The following PLA2G4F variants were observed in gnomAD, a reference collection of about 807,000 sequenced individuals.
The protein encoded by PLA2G4F is phospholipase A2 group IVF, also known as cytosolic phospholipase A2 zeta.
In PLA2G4F, 105 loss-of-function variants were observed where a neutral mutation model predicts 103.1. That is an observed-to-expected ratio of 1.02 (90% CI 0.87 to 1.20). The LOEUF (loss-of-function observed/expected upper bound fraction) is 1.20, where lower values mean the gene tolerates loss of function less well. PLA2G4F is among the 50% of genes most tolerant of loss of function. The pLI is 0.00. For synonymous variants in PLA2G4F, 468 were observed against 441.1 expected, an observed-to-expected ratio of 1.06 and a Z score of -0.76; for missense variants, 1,155 against 1,075.9, an observed-to-expected ratio of 1.07 and a Z score of -1.03.
chr15:42,144,135 G>C lies in PLA2G4F; in HGVS notation c.1985C>G (p.Pro662Arg). 6.2e-7 allele frequency: 1 copy of C among 1,608,948 alleles called. No individual in the cohort carries two copies. Among genetic ancestry groups the C allele is most frequent in the Non-Finnish European group, 8.5e-7 (1 of 1,177,936 alleles). Residue 662 changes from proline (P) to arginine (R), a missense_variant, in exon 18 of 20, where the codon CCG (proline) becomes CGG (arginine). By Grantham distance (103) the Pro-to-Arg change is moderately radical. Coordinates refer to ENST00000397272, the MANE Select transcript of PLA2G4F (RefSeq NM_213600.4). ...GGTGAGCTGGTTGGGGAAGGCGTCC[G>C]GGTGTGTGTCTGCAAGGAACCCATG... Reference protein sequence around the residue: ...REFVAWKDTHPDAFPNQLTPM... With the variant: ...REFVAWKDTHRDAFPNQLTPM...
rs145212493 is a variant in PLA2G4F at position 42,143,072 on chromosome 15, G to A, written c.2143-358C>T. Among the ~76,000 whole-genome samples the A allele has an allele frequency of 2.8e-3, 419 of 151,116 alleles. 2 individuals carry two copies. The highest frequency in any genetic ancestry group is 9.5e-3 in the African/African-American group (389 of 41,054). The stretch of plus-strand genomic sequence containing the variant: ...TGTGTGCCTATAGTCCCAGCTACTC[G>A]GGAGGCTGAGGCAGGAGAATCATTT... On this transcript the variant is annotated intron_variant, in intron 18 of 19. Transcript: ENST00000397272.
intron 7 of PLA2G4F, 26 bp from the exon 8 acceptor site, chr15:42,150,803 G>A: frequency 6.3e-7 from 1 of 1,595,618 alleles, no homozygotes; most frequent in Non-Finnish European, 8.5e-7. Flanking sequence ...CCAGGTGGGT[G>A]CGCAGGTGAG....
At position 42,146,811 on chromosome 15, in the gene PLA2G4F, CT is replaced by C. The variant is rs1433440163; in HGVS notation, c.1419+312del. The C allele has an allele frequency of 1.1e-4, 32 of 294,992 alleles. No homozygotes were observed. The East Asian group carries it at 2.2e-3, about 20-fold the overall frequency. 18.3% of individuals were successfully genotyped at this position (294,992 alleles called of 1,614,324 possible). On this transcript the variant is annotated intron_variant, in intron 13 of 19. Transcript: ENST00000397272. ...GGGCTGAAATCACTTTCAAAACATC[CT>C]GAGAACAACTAAAATCACTCTCTCT...
chr15:42,152,718 C>G lies in PLA2G4F; in HGVS notation c.571G>C (p.Gly191Arg). 6.4e-7 allele frequency: 1 copy of G among 1,558,022 alleles called. No homozygotes were observed. Among genetic ancestry groups the G allele is most frequent in the East Asian group, 2.4e-5 (1 of 41,568 alleles). ...TCTTCCCGTGGGGCTGTCCCATCTCCCCGGAGCGTGCCCTGGATTCTCAGA... is the reference window on the plus strand; with the variant it reads ...TCTTCCCGTGGGGCTGTCCCATCTCGCCGGAGCGTGCCCTGGATTCTCAGA... ...PCLRIQGTLR[G>R]DGTAPREEYG... Residue 191 changes from glycine (G) to arginine (R), a missense_variant, in exon 7 of 20, where the codon GGA (glycine) becomes CGA (arginine). Physicochemically the swap from Gly to Arg is moderately radical, Grantham distance 125. Around this residue, in one of 3 missense-constraint regions of PLA2G4F, gnomAD observed 370 missense variants for 364.9 expected, o/e 1.01. Transcript: ENST00000397272.
Position 42,141,079 on chromosome 15 carries a change from C to A in PLA2G4F, c.*905G>T. 1 of 364,126 alleles carries A rather than the reference C, an allele frequency of 2.7e-6. No individual in the cohort carries two copies. Among genetic ancestry groups the A allele is most frequent in the South Asian group, 2.0e-5 (1 of 49,772 alleles). 22.6% of individuals were successfully genotyped at this position (364,126 alleles called of 1,614,324 possible). On this transcript the variant is annotated 3_prime_UTR_variant, in exon 20 of 20. Transcript: ENST00000397272. Reference sequence around the variant, plus strand: ...AAGAGGCAAGAGCCCAGGCGAGGCTCCCTCTGCACTGCCCATGCCTTGGAG... The same window carrying A: ...AAGAGGCAAGAGCCCAGGCGAGGCTACCTCTGCACTGCCCATGCCTTGGAG...
chr15:42,147,415 CTG>C, intron 12 of PLA2G4F, 69 bp from the exon 13 acceptor site: 5 of 1,481,498 alleles, frequency 3.4e-6, no homozygotes, highest in Non-Finnish European at 4.6e-6. Context: ...GGTGCAGAGT[CTG>C]TGAGTGGCCC....
intron 13 of PLA2G4F, chr15:42,146,916 GA>G (rs1007120266): frequency 3.5e-6 from 2 of 578,938 alleles, no homozygotes; most frequent in African/African-American, 3.7e-5. Context: ...GAGCGCTGCG[GA>G]CCAGGCTCCT....
intron 17 of PLA2G4F, 29 bp from the exon 18 acceptor site, chr15:42,144,173 G>A: frequency 6.4e-7 from 1 of 1,574,784 alleles, no homozygotes; most frequent in Non-Finnish European, 8.6e-7. Context: ...TACGCACAGG[G>A]ACGAATGCAG....
At chr15:42,152,817 G>C in intron 6 of PLA2G4F, 63 bp from the exon 7 acceptor site, 1 of 1,482,190 alleles carries the variant, frequency 6.7e-7, no homozygotes, top group Non-Finnish European at 9.2e-7. Context: ...ATGGAGAGAG[G>C]GAGGAGTGCC....
chr15:42,155,734 G>T, intron 1 of PLA2G4F, 145 bp from the exon 2 acceptor site: 1 of 754,060 alleles, frequency 1.3e-6, no homozygotes, highest in East Asian at 2.8e-5. Context: ...ACCTTGGCGG[G>T]TCCCAGGCAT....
rs882691 is a variant in PLA2G4F, at chr15:42,140,157, A to G, written c.*1827T>C. 0.23 allele frequency: 34,872 copies of G among 152,138 alleles called. 4,413 individuals carry two copies. Among genetic ancestry groups the G allele is most frequent in the African/African-American group, 0.33 (13,718 of 41,456 alleles). 9.4% of individuals were successfully genotyped at this position (152,138 alleles called of 1,614,324 possible). ...TTTTGTGGTTGGTGGGTGACGATCC[A>G]TTTCTTAGAATGTAGGTTCCCATTC... On this transcript the variant is annotated 3_prime_UTR_variant, in exon 20 of 20. Transcript: ENST00000397272.
rs1341734753 is a variant in PLA2G4F, at chr15:42,140,353, G to A, written c.*1631C>T. On this transcript the variant is annotated 3_prime_UTR_variant, in exon 20 of 20. Coordinates refer to ENST00000397272, the MANE Select transcript of PLA2G4F (RefSeq NM_213600.4). Reference sequence around the variant, plus strand: ...ACAGATTCTAAGTTGTGAACGCTGTGCAGTTCTGAGCTGTGAACCCTATGA... The same window carrying A: ...ACAGATTCTAAGTTGTGAACGCTGTACAGTTCTGAGCTGTGAACCCTATGA... 6.6e-6 allele frequency: 1 copy of A among 152,248 alleles called. No homozygotes were observed. The highest frequency in any genetic ancestry group is 1.5e-5 in the Non-Finnish European group (1 of 68,064). 9.4% of individuals were successfully genotyped at this position (152,248 alleles called of 1,614,324 possible).
At position 42,141,523 on chromosome 15, in the gene PLA2G4F, G is replaced by A. The variant is rs2048826572; in HGVS notation, c.*461C>T. The A allele has an allele frequency of 4.5e-6, 2 of 448,562 alleles. No individual in the cohort carries two copies. The highest frequency in any genetic ancestry group is 4.0e-5 in the African/African-American group (2 of 49,738). 27.8% of individuals were successfully genotyped at this position (448,562 alleles called of 1,614,324 possible). A position where few individuals can be genotyped will look rare whatever the true frequency, so the allele number is the denominator to read the frequency against. ...CATCCAGGAGCTCGAGGTGGGGTTGGGGCTTGGGCCGCTCTGCAGGAAGTG... is the reference window on the plus strand; with the variant it reads ...CATCCAGGAGCTCGAGGTGGGGTTGAGGCTTGGGCCGCTCTGCAGGAAGTG... On this transcript the variant is annotated 3_prime_UTR_variant, in exon 20 of 20. Transcript: ENST00000397272.
intron 13 of PLA2G4F, chr15:42,146,766 T>TG (rs1165082319): frequency 4.0e-6 from 1 of 251,418 alleles, no homozygotes; most frequent in Non-Finnish European, 7.8e-6. Context: ...GGTGTGGCGC[T>TG]GGGCCTCACT....
At chr15:42,145,529 G>A in intron 16 of PLA2G4F, 46 bp downstream of exon 16, 2 of 1,557,064 alleles carry the variant, frequency 1.3e-6, no homozygotes, top group Non-Finnish European at 1.8e-6. Context: ...CCAGGGCCCT[G>A]TTGCTGGAAT....
chr15:42,142,401 A>C, intron 19 of PLA2G4F, 127 bp downstream of exon 19: 1 of 1,257,440 alleles, frequency 8.0e-7, no homozygotes, highest in East Asian at 2.5e-5. Flanking sequence ...AGAGGGCCAC[A>C]GGGGCCAGCT....
Position 42,141,812 on chromosome 15 carries a change from A to T in PLA2G4F, c.*172T>A. On this transcript the variant is annotated 3_prime_UTR_variant, in exon 20 of 20. Coordinates refer to ENST00000397272, the MANE Select transcript of PLA2G4F (RefSeq NM_213600.4). ...AAACACACAAGGAGAGCCCTGCCCC[A>T]GTCCAAGCTGCAATTCTGCAAGAGC... is the stretch of plus-strand genomic sequence containing the variant. The T allele has an allele frequency of 1.5e-6, 1 of 660,006 alleles. No individual in the cohort carries two copies. Among genetic ancestry groups the T allele is most frequent in the East Asian group, 2.7e-5 (1 of 36,636 alleles). 40.9% of individuals were successfully genotyped at this position (660,006 alleles called of 1,614,324 possible). A position where few individuals can be genotyped will look rare whatever the true frequency, so the allele number is the denominator to read the frequency against.
chr15:42,142,626 CG>C lies in PLA2G4F; in HGVS notation c.2230del (p.Arg744ValfsTer59). 1.2e-6 allele frequency: 2 copies of C among 1,614,004 alleles called. No individual in the cohort carries two copies. The highest frequency in any genetic ancestry group is 2.2e-5 in the South Asian group (2 of 91,064). ...AGCCTTGGCAAACAGATAGCACTCA[CG>C]GGCCTCCTCCATGTCCTCAGGGCCC... ...EVGPEDMEEA[R>X]ECYLFAKAED... On this transcript the variant is annotated frameshift_variant, in exon 19 of 20. Coordinates refer to ENST00000397272, the MANE Select transcript of PLA2G4F (RefSeq NM_213600.4). LOFTEE classifies it high-confidence loss of function.
At chr15:42,155,893 C>G (rs767784909) in intron 1 of PLA2G4F, among the ~76,000 whole-genome samples, 22 of 152,216 alleles carry the variant, frequency 1.4e-4, no homozygotes, top group Admixed American at 1.4e-3. Context: ...CGCCCCCACT[C>G]TAGCTTGGGA....
Sources: allele counts gnomAD v4.1 joint callset (sites outside exome capture counted in the v4.1 genomes callset), GRCh38; gene constraint gnomAD v4.1.1; regional missense constraint gnomAD v4.1.1; transcripts MANE v1.5; gene names NCBI Gene and HGNC (gene_info 2026-07-23, HGNC 2026-07-21).